The following SBNO1 variants were observed in gnomAD, a reference collection of about 807,000 sequenced individuals.
SBNO1 encodes strawberry notch homolog 1, also known as protein strawberry notch homolog 1.
SBNO1 carries 23 observed loss-of-function variants against 173.6 expected under a neutral mutation model. The observed-to-expected ratio is 0.13, with a 90% CI of 0.10 to 0.19. The LOEUF (loss-of-function observed/expected upper bound fraction) is 0.19, where lower values mean the gene tolerates loss of function less well. Among genes scored for constraint, SBNO1 ranks in the 10% least tolerant of loss-of-function variants. The pLI, the probability that SBNO1 is intolerant of heterozygous loss-of-function variation, is 1.00. For missense variants in SBNO1, 1,238 were observed against 1,671.2 expected (o/e 0.74, Z 4.52); for synonymous variants, 632 against 571.5 (o/e 1.11, Z -1.51).
At chr12:123,336,637 C>T (rs1593385313) in intron 5 of SBNO1, 146 bp from the exon 6 acceptor site, 1 of 603,792 alleles carries the variant, frequency 1.7e-6, no homozygotes, top group East Asian at 2.9e-5. Context: ...AAATCTGGGC[C>T]ACACTTCGTG....
chr12:123,290,639 A>T lies in SBNO1; in HGVS notation c.*5269T>A, dbSNP rs2048497248. Reference sequence around the variant, plus strand: ...CCCCAGGGACCAGTGCTGCAATGGGAATCTGCTTGTCTCACCCTCCAGCAG... The same window carrying T: ...CCCCAGGGACCAGTGCTGCAATGGGTATCTGCTTGTCTCACCCTCCAGCAG... On this transcript the variant is annotated 3_prime_UTR_variant, in exon 32 of 32. Transcript: ENST00000602398. 6.6e-6 allele frequency: 1 copy of T among 152,172 alleles called. No individual in the cohort carries two copies. The highest frequency in any genetic ancestry group is 1.5e-5 in the Non-Finnish European group (1 of 68,074). The allele number at this position is 152,172 out of a possible 1,614,324, so 9.4% of individuals were successfully genotyped here.
chr12:123,361,376 C>T (rs1028157059), intron 1 of SBNO1, among the ~76,000 whole-genome samples: 1 of 151,954 alleles, frequency 6.6e-6, no homozygotes, highest in Non-Finnish European at 1.5e-5. Flanking sequence ...TGCAGAAACC[C>T]CGTCTCTACT....
At chr12:123,304,463 T>C (rs766079471) in intron 29 of SBNO1, 119 bp downstream of exon 29, 1 of 718,808 alleles carries the variant, frequency 1.4e-6, no homozygotes. Flanking sequence ...CTCGAACTCC[T>C]GACCTCAGGT....
intron 31 of SBNO1, among the ~76,000 whole-genome samples, 194 bp downstream of exon 31, chr12:123,297,784 T>C (rs2048658259): frequency 6.6e-6 from 1 of 152,100 alleles, no homozygotes; most frequent in Non-Finnish European, 1.5e-5. Flanking sequence ...CATCATAACT[T>C]CAACCAGAAC....
chr12:123,358,447 C>T (rs1464370007), intron 1 of SBNO1, among the ~76,000 whole-genome samples: 1 of 152,046 alleles, frequency 6.6e-6, no homozygotes, highest in Non-Finnish European at 1.5e-5. Context: ...AATTTATAAA[C>T]CAAGGCTTAG....
chr12:123,309,889 A>C lies in SBNO1; in HGVS notation c.3296-33T>G, dbSNP rs2277344. On this transcript the variant is annotated intron_variant, in intron 25 of 31. Coordinates refer to ENST00000602398, the MANE Select transcript of SBNO1 (RefSeq NM_001167856.3). ...GACAAAAGATAAACGTTTTCATGCA[A>C]ATGATAATTAAAAATTTTTTATTCA... 1.1e-4 allele frequency: 161 copies of C among 1,513,462 alleles called. 1 individual carries two copies. The East Asian group carries it at 3.6e-3, about 34-fold the overall frequency. The allele number at this position is 1,513,462 out of a possible 1,614,324, so 93.8% of individuals were successfully genotyped here. A position where few individuals can be genotyped will look rare whatever the true frequency, so the allele number is the denominator to read the frequency against.
At chr12:123,310,176 T>C (rs2049016980) in intron 25 of SBNO1, among the ~76,000 whole-genome samples, 1 of 152,222 alleles carries the variant, frequency 6.6e-6, no homozygotes, top group Non-Finnish European at 1.5e-5. Flanking sequence ...TTAGAATGTC[T>C]GGGAGCTTTG....
At chr12:123,301,945 G>T (rs10846507) in intron 30 of SBNO1, among the ~76,000 whole-genome samples, 101,670 of 145,504 alleles carry the variant, frequency 0.7, 35,361 homozygotes, top group East Asian at 0.8. Flanking sequence ...AAAGTGGTTT[G>T]TTTTTTTTTT....
intron 7 of SBNO1, among the ~76,000 whole-genome samples, chr12:123,331,885 G>A (rs759901591): frequency 2.6e-5 from 4 of 151,880 alleles, no homozygotes; most frequent in East Asian, 1.9e-4. Flanking sequence ...ACGGGGTCTC[G>A]CTCTGTTGCC....
intron 30 of SBNO1, among the ~76,000 whole-genome samples, chr12:123,298,381 C>A (rs1053265021): frequency 6.6e-6 from 1 of 152,102 alleles, no homozygotes; most frequent in African/African-American, 2.4e-5. Context: ...ATTCTCCTGC[C>A]TCAGCCTCCC....
intron 31 of SBNO1, among the ~76,000 whole-genome samples, chr12:123,297,134 C>G (rs376066676): frequency 6.6e-6 from 1 of 150,814 alleles, no homozygotes; most frequent in Non-Finnish European, 1.5e-5. Flanking sequence ...CTGAGGTGGG[C>G]GGATCACTTG....
chr12:123,314,691 G>A (rs1019210066), intron 23 of SBNO1, among the ~76,000 whole-genome samples: 12 of 151,890 alleles, frequency 7.9e-5, no homozygotes, highest in Admixed American at 3.3e-4. Context: ...AGGCTGGAGT[G>A]CAGTGGCATG....
intron 5 of SBNO1, among the ~76,000 whole-genome samples, chr12:123,338,206 A>G (rs1872085663): frequency 6.6e-6 from 1 of 152,242 alleles, no homozygotes; most frequent in Admixed American, 6.5e-5. Context: ...CAGGATTTGT[A>G]TATGTCAGCA....
At chr12:123,326,502 C>T (rs1870625519) in intron 13 of SBNO1, among the ~76,000 whole-genome samples, 168 bp from the exon 14 acceptor site, 1 of 152,196 alleles carries the variant, frequency 6.6e-6, no homozygotes. Flanking sequence ...ACAGTTGTCT[C>T]AAGTTTCTTA....
At chr12:123,311,537 T>A (rs1868501160) in intron 24 of SBNO1, among the ~76,000 whole-genome samples, 1 of 151,874 alleles carries the variant, frequency 6.6e-6, no homozygotes, top group South Asian at 2.1e-4. Context: ...ATATTTTTAG[T>A]AGAGTCGGGG....
At chr12:123,337,847 G>T (rs1303911474) in intron 5 of SBNO1, among the ~76,000 whole-genome samples, 2 of 152,142 alleles carry the variant, frequency 1.3e-5, no homozygotes, top group Admixed American at 6.5e-5. Flanking sequence ...GTTAAGATAA[G>T]CAGCCTCCTT....
At chr12:123,334,763 T>TA (rs372567082) in intron 6 of SBNO1, among the ~76,000 whole-genome samples, 4,455 of 143,068 alleles carry the variant, frequency 0.031, 211 homozygotes, top group African/African-American at 0.11. Flanking sequence ...GATTTGCTGA[T>TA]AAAAAAAAGA....
chr12:123,299,402 C>T (rs1241290827), intron 30 of SBNO1, among the ~76,000 whole-genome samples: 2 of 151,556 alleles, frequency 1.3e-5, no homozygotes, highest in Non-Finnish European at 2.9e-5. Flanking sequence ...AAAAAACTGG[C>T]TGGGCACGAT....
chr12:123,359,632 G>A (rs891528916), intron 1 of SBNO1, among the ~76,000 whole-genome samples: 2 of 151,812 alleles, frequency 1.3e-5, no homozygotes, highest in African/African-American at 2.4e-5. Flanking sequence ...ATTTCTTACT[G>A]TGGGATGCAA....
Sources: allele counts gnomAD v4.1 joint callset (sites outside exome capture counted in the v4.1 genomes callset), GRCh38; gene constraint gnomAD v4.1.1; transcripts MANE v1.5; gene names NCBI Gene and HGNC (gene_info 2026-07-23, HGNC 2026-07-21).